Variants in CAMK4 observed in about 807,000 individuals in gnomAD.
CAMK4 encodes the protein calcium/calmodulin-dependent protein kinase type IV.
A neutral mutation model predicts 44.9 loss-of-function variants in CAMK4; 22 were observed. The observed-to-expected ratio is 0.49, with a 90% CI of 0.35 to 0.70. The LOEUF is 0.70. Among genes scored for constraint, CAMK4 ranks in the 30% least tolerant of loss-of-function variants. The pLI, the probability that CAMK4 is intolerant of heterozygous loss-of-function variation, is 0.01. For synonymous variants in CAMK4, 218 were observed against 215.4 expected, an observed-to-expected ratio of 1.01 and a Z score of -0.11; for missense variants, 498 against 586.8, an observed-to-expected ratio of 0.85 and a Z score of 1.56.
At chr5:111,276,239 T>C (rs1435394263) in intron 1 of CAMK4, among the ~76,000 whole-genome samples, 2 of 152,164 alleles carry the variant, frequency 1.3e-5, no homozygotes, top group East Asian at 3.8e-4. Flanking sequence ...TCTAGGTCTG[T>C]CTGTTTTTCT....
At chr5:111,439,669 G>A (rs1428722690) in intron 5 of CAMK4, among the ~76,000 whole-genome samples, 4 of 152,186 alleles carry the variant, frequency 2.6e-5, no homozygotes, top group African/African-American at 9.7e-5. Context: ...CTACAGGGAA[G>A]TATAGGCAGG....
chr5:111,315,121 G>C (rs1387920228), intron 1 of CAMK4, among the ~76,000 whole-genome samples: 1 of 152,108 alleles, frequency 6.6e-6, no homozygotes, highest in South Asian at 2.1e-4. Flanking sequence ...TATTTGAAGT[G>C]TGTGTGCATT....
In CAMK4 at chr5:111,275,637, G is replaced by C. The variant is rs192086885; in HGVS notation, c.161+50993G>C. Among the ~76,000 whole-genome samples the C allele has an allele frequency of 4.6e-4, 70 of 152,158 alleles. 1 individual carries two copies. Among genetic ancestry groups the C allele is most frequent in the African/African-American group, 1.7e-3 (69 of 41,532 alleles). ...ATAGCTTGGGAGTAAAGCATTTTCG[G>C]TTTTGGAGGATGAAAAGAAGTTGGT... On this transcript the variant is annotated intron_variant, in intron 1 of 10. Coordinates refer to ENST00000282356, the MANE Select transcript of CAMK4 (RefSeq NM_001744.6).
chr5:111,251,600 T>C (rs190389522), intron 1 of CAMK4, among the ~76,000 whole-genome samples: 1 of 152,352 alleles, frequency 6.6e-6, no homozygotes, highest in East Asian at 1.9e-4. Context: ...CAAATACAGC[T>C]ATATGGATTT....
intron 1 of CAMK4, among the ~76,000 whole-genome samples, chr5:111,332,437 C>T (rs530487130): frequency 3.3e-4 from 50 of 151,420 alleles, no homozygotes; most frequent in African/African-American, 9.9e-4. Context: ...ACATAGTATT[C>T]CACGATGTAT....
At chr5:111,310,164 C>T (rs1275645073) in intron 1 of CAMK4, among the ~76,000 whole-genome samples, 1 of 152,138 alleles carries the variant, frequency 6.6e-6, no homozygotes, top group Non-Finnish European at 1.5e-5. Flanking sequence ...TCCGTCATGG[C>T]CACCTGTATC....
At chr5:111,389,172 C>G (rs1361280467) in intron 4 of CAMK4, among the ~76,000 whole-genome samples, 1 of 152,178 alleles carries the variant, frequency 6.6e-6, no homozygotes, top group East Asian at 1.9e-4. Flanking sequence ...ATGGCACTTT[C>G]TAGCTGTGTC....
intron 8 of CAMK4, among the ~76,000 whole-genome samples, chr5:111,477,399 G>C (rs915687815): frequency 2.1e-4 from 32 of 152,186 alleles, no homozygotes; most frequent in African/African-American, 6.0e-4. Flanking sequence ...GCCAGCTTGA[G>C]TGAAGCCTTT....
intron 1 of CAMK4, among the ~76,000 whole-genome samples, chr5:111,233,318 G>T (rs1748559980): frequency 6.6e-6 from 1 of 152,160 alleles, no homozygotes; most frequent in African/African-American, 2.4e-5. Flanking sequence ...AGCTTTAAAT[G>T]CATACTCATC....
intron 1 of CAMK4, among the ~76,000 whole-genome samples, chr5:111,321,486 T>C: frequency 6.8e-6 from 1 of 146,682 alleles, no homozygotes; most frequent in Non-Finnish European, 1.5e-5. Flanking sequence ...AGTTTCTTAA[T>C]ATTAAATGCT....
At chr5:111,325,405 A>G (rs1016785392) in intron 1 of CAMK4, among the ~76,000 whole-genome samples, 6 of 152,032 alleles carry the variant, frequency 3.9e-5, no homozygotes, top group African/African-American at 1.4e-4. Context: ...GTCAAATGGT[A>G]TTTCTGGTTC....
intron 1 of CAMK4, among the ~76,000 whole-genome samples, chr5:111,295,749 C>G (rs1280154661): frequency 6.6e-6 from 1 of 152,174 alleles, no homozygotes; most frequent in Non-Finnish European, 1.5e-5. Flanking sequence ...TCCTTCTTAT[C>G]CCCACTGTTG....
chr5:111,453,017 G>A (rs376066656), intron 7 of CAMK4, among the ~76,000 whole-genome samples: 1 of 152,168 alleles, frequency 6.6e-6, no homozygotes. Context: ...TATTATATAG[G>A]CGGGGGCAGT....
At chr5:111,231,474 T>A (rs994913204) in intron 1 of CAMK4, among the ~76,000 whole-genome samples, 1 of 152,186 alleles carries the variant, frequency 6.6e-6, no homozygotes, top group Non-Finnish European at 1.5e-5. Context: ...CTAAACATTG[T>A]CAAATGTGTC....
intron 8 of CAMK4, among the ~76,000 whole-genome samples, chr5:111,473,717 T>A (rs1580801302): frequency 6.6e-6 from 1 of 152,248 alleles, no homozygotes; most frequent in Non-Finnish European, 1.5e-5. Flanking sequence ...TTGTTTTACT[T>A]ATTTGCATCT....
chr5:111,399,693 A>C (rs1428040), intron 5 of CAMK4, among the ~76,000 whole-genome samples: 1 of 152,084 alleles, frequency 6.6e-6, no homozygotes, highest in African/African-American at 2.4e-5. Flanking sequence ...TACTAATTTC[A>C]TAGGAGACAA....
chr5:111,273,677 TTATATATA>T (rs1160351356), intron 1 of CAMK4, among the ~76,000 whole-genome samples: 43 of 41,126 alleles, frequency 1.0e-3, no homozygotes, highest in Middle Eastern at 0.042. Flanking sequence ...AAAAATGCAT[TTATATATA>T]TATATATATA....
chr5:111,445,308 GA>G (rs1247612168), intron 5 of CAMK4, among the ~76,000 whole-genome samples: 1 of 151,972 alleles, frequency 6.6e-6, no homozygotes, highest in Non-Finnish European at 1.5e-5. Context: ...TTGTTAAGCA[GA>G]AAAAAAGCCA....
intron 2 of CAMK4, among the ~76,000 whole-genome samples, chr5:111,370,018 C>T (rs1422160229): frequency 6.6e-6 from 1 of 152,058 alleles, no homozygotes; most frequent in East Asian, 1.9e-4. Context: ...AGATATGCAG[C>T]TGGAAAAGGG....
Sources: gnomAD v4.1 joint callset for allele counts (sites outside exome capture counted in the v4.1 genomes callset) on GRCh38, gnomAD v4.1.1 for gene constraint, MANE v1.5 for transcripts, NCBI Gene and HGNC (gene_info 2026-07-23, HGNC 2026-07-21) for gene names.